The following PDE6A variants were observed in gnomAD, a reference collection of about 807,000 sequenced individuals.
PDE6A encodes the protein rod cGMP-specific 3',5'-cyclic phosphodiesterase subunit alpha.
Under a neutral mutation model 106.3 loss-of-function variants are expected in PDE6A, and 84 were observed. The observed-to-expected ratio is 0.79, with a 90% CI of 0.66 to 0.95. PDE6A has a LOEUF of 0.95. Ranked by LOEUF, PDE6A falls within the 40% of genes least tolerant of loss-of-function variation. The probability of loss-of-function intolerance (pLI) is 0.00; values close to 1 mark genes in which losing one functional copy is unlikely to be tolerated. For missense variants in PDE6A, 1,052 were observed against 1,084.9 expected, an observed-to-expected ratio of 0.97 and a Z score of 0.43; for synonymous variants, 394 against 386.6, an observed-to-expected ratio of 1.02 and a Z score of -0.23.
chr5:149,933,283 A>G (rs1754095489), intron 3 of PDE6A, among the ~76,000 whole-genome samples: 1 of 152,110 alleles, frequency 6.6e-6, no homozygotes, highest in Admixed American at 6.5e-5. Context: ...TCATCCATTT[A>G]TTTTAAAAAT....
At chr5:149,900,725 C>T (rs73798313) in intron 8 of PDE6A, among the ~76,000 whole-genome samples, 4,020 of 151,996 alleles carry the variant, frequency 0.026, 171 homozygotes, top group African/African-American at 0.09. Flanking sequence ...AGAGTGTCTC[C>T]AAAAGGATGC....
intron 1 of PDE6A, among the ~76,000 whole-genome samples, chr5:149,940,790 G>A (rs962322080): frequency 1.3e-5 from 2 of 152,122 alleles, no homozygotes; most frequent in African/African-American, 2.4e-5. Context: ...GAGCCACTGC[G>A]CCCGGCCTAC....
Position 149,922,296 on chromosome 5 carries a change from A to AATTATT in PDE6A, c.859-593_859-588dup, listed in dbSNP as rs142378973. On this transcript the variant is annotated intron_variant, in intron 4 of 21. Coordinates refer to ENST00000255266, the MANE Select transcript of PDE6A (RefSeq NM_000440.3). ...AACTGTCATGAATACATTTACAACA[A>AATTATT]ATTATTATTATTATTATTATTATTA... is the stretch of plus-strand genomic sequence containing the variant. Among the ~76,000 whole-genome samples the AATTATT allele has an allele frequency of 9.7e-3, 1,438 of 148,912 alleles. 13 individuals are homozygous for AATTATT. Among genetic ancestry groups the AATTATT allele is most frequent in the African/African-American group, 0.027 (1,101 of 40,444 alleles).
chr5:149,916,959 A>G (rs896679286), intron 5 of PDE6A, among the ~76,000 whole-genome samples: 1 of 152,162 alleles, frequency 6.6e-6, no homozygotes, highest in Non-Finnish European at 1.5e-5. Context: ...CCAGGAGAAG[A>G]TAAAAACAGA....
chr5:149,929,183 T>C (rs1256147428), intron 4 of PDE6A, among the ~76,000 whole-genome samples: 1 of 152,062 alleles, frequency 6.6e-6, no homozygotes, highest in Non-Finnish European at 1.5e-5. Flanking sequence ...AATAACAGTA[T>C]TAATAATAGA....
intron 20 of PDE6A, among the ~76,000 whole-genome samples, chr5:149,864,226 G>A (rs191811502): frequency 2.5e-3 from 368 of 147,370 alleles, no homozygotes; most frequent in African/African-American, 9.0e-3. Context: ...GAGTGAAATC[G>A]GGATGTTGAG....
At chr5:149,889,735 G>A (rs1017024701) in intron 13 of PDE6A, among the ~76,000 whole-genome samples, 2 of 151,844 alleles carry the variant, frequency 1.3e-5, no homozygotes, top group Non-Finnish European at 2.9e-5. Context: ...GTGAAATATC[G>A]TCTCTACTAA....
intron 17 of PDE6A, among the ~76,000 whole-genome samples, chr5:149,881,999 C>A (rs111508630): frequency 0.036 from 5,524 of 151,534 alleles, 135 homozygotes; most frequent in Admixed American, 0.056. Context: ...CTGCAGTGAG[C>A]CCTGATCGCC....
chr5:149,884,364 AT>A, intron 16 of PDE6A, 114 bp downstream of exon 16: 1 of 703,192 alleles, frequency 1.4e-6, no homozygotes, highest in Non-Finnish European at 2.6e-6. Flanking sequence ...ATGTGTATAT[AT>A]GTATATATGT....
In PDE6A at chr5:149,859,433, G is replaced by A. The variant is rs556949573; in HGVS notation, c.*1462C>T. The stretch of plus-strand genomic sequence containing the variant: ...GACTCTAAAATGGACTTAGTCTGCA[G>A]GATGCTTATTAAGCAGTGCCCTGGG... On this transcript the variant is annotated 3_prime_UTR_variant, in exon 22 of 22. Transcript: ENST00000255266. The A allele has an allele frequency of 2.0e-5, 3 of 152,362 alleles. No individual in the cohort carries two copies. Among genetic ancestry groups the A allele is most frequent in the Admixed American group, 2.0e-4 (3 of 15,298 alleles). 9.4% of individuals were successfully genotyped at this position (152,362 alleles called of 1,614,324 possible).
intron 13 of PDE6A, among the ~76,000 whole-genome samples, chr5:149,891,566 C>T (rs1444552980): frequency 6.6e-6 from 1 of 152,122 alleles, no homozygotes; most frequent in East Asian, 1.9e-4. Flanking sequence ...CTTTAGGAGG[C>T]CAAGGCAGGA....
At chr5:149,925,319 C>T (rs1236977135) in intron 4 of PDE6A, among the ~76,000 whole-genome samples, 1 of 152,076 alleles carries the variant, frequency 6.6e-6, no homozygotes, top group East Asian at 1.9e-4. Flanking sequence ...TAGCAGAGAA[C>T]TGGAAACTAC....
chr5:149,929,919 T>C (rs1753982211), intron 4 of PDE6A, among the ~76,000 whole-genome samples: 1 of 152,264 alleles, frequency 6.6e-6, no homozygotes, highest in Admixed American at 6.5e-5. Flanking sequence ...GTTGTCCTTC[T>C]TTTTTTATTT....
At chr5:149,881,884 T>C (rs1304586580) in intron 17 of PDE6A, among the ~76,000 whole-genome samples, 93 of 151,790 alleles carry the variant, frequency 6.1e-4, no homozygotes, top group African/African-American at 2.0e-3. Context: ...CAAAACCTGT[T>C]TCTACCAAAA....
intron 17 of PDE6A, among the ~76,000 whole-genome samples, chr5:149,871,708 G>A (rs776002995): frequency 5.3e-5 from 8 of 152,176 alleles, no homozygotes; most frequent in Non-Finnish European, 1.2e-4. Flanking sequence ...TTCATGCTAC[G>A]AGCAACAGGA....
rs777721828 is a variant in PDE6A at position 149,896,759 on chromosome 5, A to C, written c.1425T>G (p.Tyr475Ter). 1 of 1,613,998 alleles carries C rather than the reference A, an allele frequency of 6.2e-7. No homozygotes were observed. The highest frequency in any genetic ancestry group is 8.5e-7 in the Non-Finnish European group (1 of 1,180,036). Residue 475 changes from tyrosine (Y) to a stop codon, truncating the protein, a stop_gained, in exon 11 of 22, where the codon TAT (tyrosine) becomes TAG (stop). Coordinates refer to ENST00000255266, the MANE Select transcript of PDE6A (RefSeq NM_000440.3). LOFTEE classifies it high-confidence loss of function. ...IQKILKTREV[Y>*]GKEPWECEEE... Reference sequence around the variant, plus strand: ...CCTCACACTCCCATGGCTCCTTCCCATACACCTCTCTGGTTTTCTGCCAGG... The same window carrying C: ...CCTCACACTCCCATGGCTCCTTCCCCTACACCTCTCTGGTTTTCTGCCAGG...
chr5:149,892,540 G>A (rs1752584692), intron 13 of PDE6A, among the ~76,000 whole-genome samples: 1 of 142,722 alleles, frequency 7.0e-6, no homozygotes, highest in Admixed American at 7.3e-5. Flanking sequence ...CACCCAGGCT[G>A]TAGTGCAGTT....
Position 149,860,645 on chromosome 5 carries a change from T to C in PDE6A, c.*250A>G, listed in dbSNP as rs1760101771. 3 of 394,744 alleles carry C rather than the reference T, an allele frequency of 7.6e-6. No individual in the cohort carries two copies. In the East Asian group the frequency reaches 1.2e-4, roughly 15 times the overall value. 24.5% of individuals were successfully genotyped at this position (394,744 alleles called of 1,614,324 possible). On this transcript the variant is annotated 3_prime_UTR_variant, in exon 22 of 22. Transcript: ENST00000255266. The stretch of plus-strand genomic sequence containing the variant: ...TCTTAAAACATTATGAAATTTTTTT[T>C]TTTGGCGATTTTTTTTTTTAAGTTC...
intron 17 of PDE6A, among the ~76,000 whole-genome samples, chr5:149,872,221 C>A (rs1055291589): frequency 6.6e-6 from 1 of 152,094 alleles, no homozygotes; most frequent in Non-Finnish European, 1.5e-5. Context: ...TCTTTGAGTC[C>A]CAGTCTGTTC....
Sources: allele counts gnomAD v4.1 joint callset (sites outside exome capture counted in the v4.1 genomes callset), GRCh38; gene constraint gnomAD v4.1.1; transcripts MANE v1.5; gene names NCBI Gene and HGNC (gene_info 2026-07-23, HGNC 2026-07-21).